UBE3B: variants seen among roughly 807,000 people sequenced by gnomAD.
UBE3B encodes the protein ubiquitin protein ligase E3B.
Under a neutral mutation model 132.3 loss-of-function variants are expected in UBE3B, and 80 were observed. The observed-to-expected ratio is 0.60, with a 90% CI of 0.50 to 0.73. UBE3B has a LOEUF of 0.73. Ranked by LOEUF, UBE3B falls within the 30% of genes least tolerant of loss-of-function variation. The pLI is 0.00. For synonymous variants in UBE3B, 487 were observed against 520.4 expected, an observed-to-expected ratio of 0.94 and a Z score of 0.87; for missense variants, 1,196 against 1,362.5, an observed-to-expected ratio of 0.88 and a Z score of 1.92.
chr12:109,521,196 G>A lies in UBE3B; in HGVS notation c.2125G>A (p.Val709Ile), dbSNP rs749193019. ...RQLSQHAMKG[V>I]IRVKFVNDLG... ...GCTCTCCCAGCACGCCATGAAGGGG[G>A]TCATCCGTGTGAAGTTTGTCAATGA... The change falls in exon 20 of 28, where the codon GTC becomes ATC. Residue 709 changes from valine to isoleucine, a missense_variant. Transcript: ENST00000342494. The surrounding 1 kb of genome is among the most constrained non-coding windows in gnomAD (Gnocchi z 4.2). The A allele has an allele frequency of 2.0e-5, 33 of 1,614,084 alleles. No individual in the cohort carries two copies. The highest frequency in any genetic ancestry group is 2.6e-5 in the Non-Finnish European group (31 of 1,180,034).
the UBE3B span, among the ~76,000 whole-genome samples, chr12:109,543,956 T>C: frequency 6.6e-6 from 1 of 152,020 alleles, no homozygotes; most frequent in Non-Finnish European, 1.5e-5. Flanking sequence ...ATGTAGACGA[T>C]GGGCCACCCG....
Position 109,522,601 on chromosome 12 carries a change from CAG to C in UBE3B, c.2364+1052_2364+1053del, listed in dbSNP as rs947689865. Among the ~76,000 whole-genome samples, 1 of 152,202 alleles carries C rather than the reference CAG, an allele frequency of 6.6e-6. No homozygotes were observed. Among genetic ancestry groups the C allele is most frequent in the Non-Finnish European group, 1.5e-5 (1 of 68,040 alleles). ...CTGGAGAAGCCAGATGCTTTCCAAA[CAG>C]AAAGAGCCAGCAGCTGGGCCAAGCT... is the stretch of plus-strand genomic sequence containing the variant. On this transcript the variant is annotated intron_variant, in intron 21 of 27. Transcript: ENST00000342494. The surrounding 1 kb of genome is among the most constrained non-coding windows in gnomAD (Gnocchi z 4.2).
intron 12 of UBE3B, 126 bp downstream of exon 12, chr12:109,499,936 A>G: frequency 2.4e-6 from 2 of 828,176 alleles, no homozygotes; most frequent in Non-Finnish European, 3.2e-6. Context: ...TTCATTATAT[A>G]TTAATAAATT....
At chr12:109,533,969 T>G (rs1344532946) in intron 27 of UBE3B, 1 of 1,303,282 alleles carries the variant, frequency 7.7e-7, no homozygotes, top group South Asian at 1.2e-5. Context: ...CCAGGCTCGC[T>G]GCTTCATTTC....
chr12:109,524,756 C>T (rs1343365383), intron 23 of UBE3B, among the ~76,000 whole-genome samples: 1 of 152,080 alleles, frequency 6.6e-6, no homozygotes, highest in African/African-American at 2.4e-5. Flanking sequence ...GGGTAATTCC[C>T]CATTTGTAAC....
chr12:109,539,675 C>T (rs542820933), downstream of UBE3B, among the ~76,000 whole-genome samples: 3 of 152,310 alleles, frequency 2.0e-5, no homozygotes, highest in African/African-American at 7.2e-5. Context: ...TATTTTGTTC[C>T]AGGGATCGAA....
intron 22 of UBE3B, 115 bp downstream of exon 22, chr12:109,524,230 GGC>G: frequency 6.8e-7 from 1 of 1,471,890 alleles, no homozygotes; most frequent in Non-Finnish European, 9.2e-7. Flanking sequence ...AGCTGCTACA[GGC>G]CCCTCACATC....
chr12:109,503,083 G>T lies in UBE3B; in HGVS notation c.1343G>T (p.Gly448Val). 1.9e-6 allele frequency: 3 copies of T among 1,614,150 alleles called. No homozygotes were observed. Among genetic ancestry groups the T allele is most frequent in the Non-Finnish European group, 1.7e-6 (2 of 1,180,036 alleles). ...GTCCGGAATATTCTCAGGCCTGTCG[G>T]GGGTAAACGGGTCGACTCTGCAGAA... ...ASVRNILRPV[G>V]GKRVDSAEVQ... is the part of the protein sequence containing the mutation. Residue 448 changes from glycine to valine, a missense_variant, in exon 14 of 28, where the codon GGG becomes GTG. Coordinates refer to ENST00000342494, the MANE Select transcript of UBE3B (RefSeq NM_130466.4).
chr12:109,533,883 A>G, intron 27 of UBE3B: 1 of 1,324,410 alleles, frequency 7.6e-7, no homozygotes, highest in Admixed American at 2.2e-5. Context: ...AGCATGGGAG[A>G]AAGTGAGAGA....
At chr12:109,517,027 AT>A in intron 19 of UBE3B, 143 bp downstream of exon 19, 1 of 1,309,774 alleles carries the variant, frequency 7.6e-7, no homozygotes, top group Non-Finnish European at 1.0e-6. Context: ...GAAAGGGGTC[AT>A]TTGTCCTGTT....
At chr12:109,541,896 G>A in the UBE3B span, among the ~76,000 whole-genome samples, 12 of 152,206 alleles carry the variant, frequency 7.9e-5, no homozygotes, top group Non-Finnish European at 1.5e-4. Context: ...AGAAGGACTT[G>A]TCCTTGAATT....
At chr12:109,503,831 C>T (rs1021301405) in intron 14 of UBE3B, among the ~76,000 whole-genome samples, 2 of 152,186 alleles carry the variant, frequency 1.3e-5, no homozygotes, top group Admixed American at 6.5e-5. Flanking sequence ...CTTTGTAAAC[C>T]GTGGAAGCCT....
chr12:109,530,500 G>A, intron 25 of UBE3B, 47 bp from the exon 26 acceptor site: 6 of 1,550,806 alleles, frequency 3.9e-6, no homozygotes, highest in Middle Eastern at 3.8e-4. Context: ...CTGTCCATAA[G>A]TGCCCACGCT....
chr12:109,546,220 C>G, the UBE3B span, among the ~76,000 whole-genome samples: 1 of 152,086 alleles, frequency 6.6e-6, no homozygotes, highest in Non-Finnish European at 1.5e-5. Flanking sequence ...GTTCCTGTCT[C>G]CCCTCCTGGT....
At chr12:109,544,419 A>G in the UBE3B span, among the ~76,000 whole-genome samples, 1 of 152,248 alleles carries the variant, frequency 6.6e-6, no homozygotes, top group East Asian at 1.9e-4. Flanking sequence ...AAAGGTGAGC[A>G]GGCCTCTGGG....
At chr12:109,508,934 G>C (rs1366935898) in intron 15 of UBE3B, 1 of 183,240 alleles carries the variant, frequency 5.5e-6, no homozygotes, top group East Asian at 1.9e-4. Flanking sequence ...TCGACTCTCA[G>C]TCAATGTTCC....
chr12:109,484,098 C>T (rs1307867819), intron 4 of UBE3B, 117 bp downstream of exon 4: 2 of 1,123,738 alleles, frequency 1.8e-6, no homozygotes, highest in East Asian at 2.6e-5. Flanking sequence ...ACCCTCACAT[C>T]CTGTCCCTTT....
At chr12:109,517,940 A>T (rs1261435723) in intron 19 of UBE3B, 1 of 446,412 alleles carries the variant, frequency 2.2e-6, no homozygotes. Context: ...GCCCCTGGCC[A>T]CTGGTGATCA....
intron 26 of UBE3B, among the ~76,000 whole-genome samples, chr12:109,531,507 T>C (rs971954136): frequency 2.0e-5 from 3 of 152,204 alleles, no homozygotes; most frequent in Non-Finnish European, 2.9e-5. Flanking sequence ...TGAAATGTTT[T>C]CTTTTGGAGG....
Sources: gnomAD v4.1 joint callset for allele counts (sites outside exome capture counted in the v4.1 genomes callset) on GRCh38, gnomAD v4.1.1 for gene constraint, Gnocchi (gnomAD v3.1) non-coding constraint, MANE v1.5 for transcripts, NCBI Gene and HGNC (gene_info 2026-07-23, HGNC 2026-07-21) for gene names.